Variants in KCNQ5 observed in about 807,000 individuals in gnomAD.
KCNQ5 encodes the protein potassium voltage-gated channel subfamily Q member 5, also known as potassium voltage-gated channel subfamily KQT member 5.
In KCNQ5, 30 loss-of-function variants were observed where a neutral mutation model predicts 98.2. The ratio of observed to expected loss-of-function variants is 0.31; its 90% confidence interval spans 0.23 to 0.41. KCNQ5 has a LOEUF of 0.41. Among genes scored for constraint, KCNQ5 ranks in the 10% least tolerant of loss-of-function variants. KCNQ5 has a pLI of 1.00. For missense variants in KCNQ5, 835 were observed against 1,182.5 expected (o/e 0.71, Z 4.31); for synonymous variants, 458 against 449.4 (o/e 1.02, Z -0.24).
At chr6:73,165,497 G>C (rs1329109352) in intron 10 of KCNQ5, among the ~76,000 whole-genome samples, 4 of 152,138 alleles carry the variant, frequency 2.6e-5, no homozygotes, top group Admixed American at 2.6e-4. Context: ...GGCTCCTTTG[G>C]GTGTGGCCTG....
intron 1 of KCNQ5, among the ~76,000 whole-genome samples, chr6:72,660,581 A>G (rs561487794): frequency 1.3e-5 from 2 of 152,300 alleles, no homozygotes; most frequent in African/African-American, 2.4e-5. Flanking sequence ...TTCTCTTGAC[A>G]TTGATGGTCC....
At position 72,888,940 on chromosome 6, in the gene KCNQ5, A is replaced by G. The variant is rs184580994; in HGVS notation, c.399-114968A>G. Among the ~76,000 whole-genome samples, 257 of 152,318 alleles carry G rather than the reference A, an allele frequency of 1.7e-3. 1 individual carries two copies. The highest frequency in any genetic ancestry group is 1.2e-3 in the Non-Finnish European group (79 of 68,012). On this transcript the variant is annotated intron_variant, in intron 1 of 13. Coordinates refer to ENST00000370398, the MANE Select transcript of KCNQ5 (RefSeq NM_019842.4). Reference sequence around the variant, plus strand: ...CATGGAGCCCACAGTCTGTATGTACATCTATGTGTCTGTGTCTCTGTGTGT... The same window carrying G: ...CATGGAGCCCACAGTCTGTATGTACGTCTATGTGTCTGTGTCTCTGTGTGT...
intron 1 of KCNQ5, chr6:72,986,357 G>T: frequency 2.5e-6 from 1 of 393,174 alleles, no homozygotes; most frequent in South Asian, 7.1e-5. Context: ...CCATCAGAAT[G>T]ATCACCAAGA....
intron 2 of KCNQ5, among the ~76,000 whole-genome samples, chr6:73,007,455 A>T (rs1769864885): frequency 6.6e-6 from 1 of 152,200 alleles, no homozygotes; most frequent in Non-Finnish European, 1.5e-5. Flanking sequence ...AGGAATCACC[A>T]GGATTCTGTC....
chr6:72,834,777 G>A (rs6915355), intron 1 of KCNQ5, among the ~76,000 whole-genome samples: 35,766 of 151,804 alleles, frequency 0.24, 4,512 homozygotes, highest in South Asian at 0.46. Context: ...CCATTAACAC[G>A]TATCCCAGAT....
chr6:72,635,566 T>G (rs1264970018), intron 1 of KCNQ5, among the ~76,000 whole-genome samples: 5 of 152,108 alleles, frequency 3.3e-5, no homozygotes, highest in Non-Finnish European at 7.4e-5. Context: ...TCAGCTTCCA[T>G]GCTTTTCTCT....
At chr6:72,662,966 G>A (rs902444909) in intron 1 of KCNQ5, among the ~76,000 whole-genome samples, 5 of 152,076 alleles carry the variant, frequency 3.3e-5, no homozygotes, top group East Asian at 1.9e-4. Context: ...ATATTTTAAA[G>A]GTCTTCCAGA....
chr6:73,030,838 C>T (rs1183075832), intron 2 of KCNQ5, among the ~76,000 whole-genome samples: 1 of 152,186 alleles, frequency 6.6e-6, no homozygotes, highest in Non-Finnish European at 1.5e-5. Context: ...CCAAAGGTTT[C>T]CATTTCTTCC....
intron 1 of KCNQ5, among the ~76,000 whole-genome samples, chr6:72,858,970 G>A (rs1336025796): frequency 6.6e-6 from 1 of 152,092 alleles, no homozygotes; most frequent in East Asian, 1.9e-4. Flanking sequence ...CTACACAGAA[G>A]CTTTCGATGC....
At chr6:72,845,096 C>T (rs1457228526) in intron 1 of KCNQ5, among the ~76,000 whole-genome samples, 3 of 152,150 alleles carry the variant, frequency 2.0e-5, no homozygotes, top group African/African-American at 7.2e-5. Flanking sequence ...TATGAAAAGA[C>T]TTTATTATTC....
rs1228173660 is a variant in KCNQ5 at position 73,028,976 on chromosome 6, A to C, written c.490-12960A>C. Among the ~76,000 whole-genome samples, 5 of 152,312 alleles carry C rather than the reference A, an allele frequency of 3.3e-5. No individual in the cohort carries two copies. The East Asian group carries it at 9.6e-4, about 29-fold the overall frequency. On this transcript the variant is annotated intron_variant, in intron 2 of 13. Coordinates refer to ENST00000370398, the MANE Select transcript of KCNQ5 (RefSeq NM_019842.4). ...CCTCCTATACTAAGTGATTTTCCAA[A>C]TCAATTCAAGCAATGGCAATTCATC...
At chr6:72,797,924 G>T (rs1436344921) in intron 1 of KCNQ5, among the ~76,000 whole-genome samples, 2 of 152,076 alleles carry the variant, frequency 1.3e-5, no homozygotes, top group African/African-American at 4.8e-5. Flanking sequence ...GCTCAAATAT[G>T]AATATCACCA....
intron 1 of KCNQ5, among the ~76,000 whole-genome samples, chr6:72,903,247 T>C (rs1779578415): frequency 6.6e-6 from 1 of 152,214 alleles, no homozygotes; most frequent in African/African-American, 2.4e-5. Context: ...ATCTTGCTAA[T>C]GGTCTATCAA....
At chr6:73,082,577 G>T (rs1773823015) in intron 5 of KCNQ5, among the ~76,000 whole-genome samples, 1 of 152,154 alleles carries the variant, frequency 6.6e-6, no homozygotes, top group African/African-American at 2.4e-5. Context: ...CTATTCTCCT[G>T]CTTCTCATCT....
chr6:73,157,260 C>T (rs2150488463), intron 10 of KCNQ5, among the ~76,000 whole-genome samples: 1 of 152,278 alleles, frequency 6.6e-6, no homozygotes, highest in East Asian at 1.9e-4. Flanking sequence ...TGGATCTGAG[C>T]GCCTCAGCGA....
At chr6:73,183,756 G>A (rs1217504152) in intron 11 of KCNQ5, among the ~76,000 whole-genome samples, 1 of 152,206 alleles carries the variant, frequency 6.6e-6, no homozygotes, top group African/African-American at 2.4e-5. Context: ...GGTGGAAAGA[G>A]GGAGGCTGAG....
chr6:72,635,231 T>C (rs868668824), intron 1 of KCNQ5, among the ~76,000 whole-genome samples: 51 of 152,140 alleles, frequency 3.4e-4, no homozygotes, highest in South Asian at 4.2e-4. Context: ...GGTCTCACTA[T>C]GTTGCTCAGG....
intron 1 of KCNQ5, among the ~76,000 whole-genome samples, chr6:72,872,902 C>T (rs1168742449): frequency 2.0e-5 from 3 of 151,996 alleles, no homozygotes; most frequent in Admixed American, 2.0e-4. Flanking sequence ...TTCATTCATA[C>T]AGATATTGGA....
At chr6:73,039,776 G>A (rs1771606878) in intron 2 of KCNQ5, among the ~76,000 whole-genome samples, 1 of 152,122 alleles carries the variant, frequency 6.6e-6, no homozygotes, top group Admixed American at 6.6e-5. Context: ...TTTTAAAAAT[G>A]TGTATTCTGC....
Sources: allele counts gnomAD v4.1 joint callset (sites outside exome capture counted in the v4.1 genomes callset), GRCh38; gene constraint gnomAD v4.1.1; transcripts MANE v1.5; gene names NCBI Gene and HGNC (gene_info 2026-07-23, HGNC 2026-07-21).